The following PDE1C variants were observed in gnomAD, a reference collection of about 807,000 sequenced individuals.
PDE1C encodes the protein phosphodiesterase 1C.
PDE1C carries 62 observed loss-of-function variants against 93.1 expected under a neutral mutation model. The ratio of observed to expected loss-of-function variants is 0.67; its 90% CI spans 0.54 to 0.82. The LOEUF is 0.82. PDE1C is among the 40% of genes least tolerant of loss of function. The pLI is 0.00. For missense variants in PDE1C, 742 were observed against 884.6 expected, an observed-to-expected ratio of 0.84 and a Z score of 2.04; for synonymous variants, 325 against 310.1, an observed-to-expected ratio of 1.05 and a Z score of -0.50.
rs562174717 is a variant in PDE1C, at chr7:32,358,729, G to T, written c.310+69093C>A. On this transcript the variant is annotated intron_variant, in intron 1 of 1. Coordinates refer to the PDE1C transcript ENST00000672256. ...ACTTACTATTGTTCCCATTTTACAGGTGAGGAAATTGAGACACAGGAAAGG... is the reference window on the plus strand; with the variant it reads ...ACTTACTATTGTTCCCATTTTACAGTTGAGGAAATTGAGACACAGGAAAGG... Among the ~76,000 whole-genome samples the T allele has an allele frequency of 6.6e-5, 10 of 152,260 alleles. 1 individual carries two copies. The South Asian group carries it at 2.1e-3, about 32-fold the overall frequency.
chr7:32,344,101 T>C (rs1410010230), intron 1 of PDE1C, among the ~76,000 whole-genome samples: 1 of 152,240 alleles, frequency 6.6e-6, no homozygotes, highest in African/African-American at 2.4e-5. Context: ...AGAGACAGGA[T>C]CTTGCTCTGT....
chr7:31,738,146 G>A, the PDE1C span, among the ~76,000 whole-genome samples: 4 of 152,294 alleles, frequency 2.6e-5, no homozygotes, highest in South Asian at 4.1e-4. Flanking sequence ...GCCAGTGCGA[G>A]ACCCAGGAAG....
intron 16 of PDE1C, among the ~76,000 whole-genome samples, chr7:31,807,448 A>C (rs1209601119): frequency 6.6e-6 from 1 of 151,162 alleles, no homozygotes; most frequent in Non-Finnish European, 1.5e-5. Context: ...ATACTTGGGT[A>C]TGATTCAGTT....
At chr7:31,684,024 G>T in the PDE1C span, among the ~76,000 whole-genome samples, 6 of 152,118 alleles carry the variant, frequency 3.9e-5, no homozygotes, top group African/African-American at 1.4e-4. Context: ...GTAGGCTGAG[G>T]GTCTATGACT....
intron 8 of PDE1C, 94 bp downstream of exon 8, chr7:31,850,547 C>T: frequency 1.2e-6 from 1 of 818,920 alleles, no homozygotes; most frequent in East Asian, 2.5e-5. Flanking sequence ...AATAGGAAAC[C>T]TATGCAAAAG....
At chr7:31,710,136 G>A in the PDE1C span, among the ~76,000 whole-genome samples, 1 of 152,190 alleles carries the variant, frequency 6.6e-6, no homozygotes, top group East Asian at 1.9e-4. Context: ...GCTACAGAGT[G>A]AGTCTCTATC....
chr7:31,972,874 C>G (rs925167922), intron 2 of PDE1C, among the ~76,000 whole-genome samples: 2 of 152,138 alleles, frequency 1.3e-5, no homozygotes, highest in African/African-American at 4.8e-5. Flanking sequence ...CCCCCATGAG[C>G]CTGGCATCTT....
chr7:31,665,728 T>G, the PDE1C span, among the ~76,000 whole-genome samples: 2 of 152,284 alleles, frequency 1.3e-5, no homozygotes, highest in South Asian at 4.2e-4. Flanking sequence ...TTTTGGCGAA[T>G]AGCTCAGATA....
chr7:32,400,129 T>C (rs1778763564), intron 1 of PDE1C, among the ~76,000 whole-genome samples: 1 of 152,192 alleles, frequency 6.6e-6, no homozygotes, highest in South Asian at 2.1e-4. Context: ...GTTCACTGTG[T>C]ATATGTCCCT....
chr7:32,083,400 G>A lies in PDE1C; in HGVS notation c.308+86385C>T, dbSNP rs536171376. 4.2e-3 allele frequency among the ~76,000 whole-genome samples: 635 copies of A among 152,246 alleles called. 7 individuals carry two copies. Among genetic ancestry groups the A allele is most frequent in the African/African-American group, 0.015 (610 of 41,534 alleles). On this transcript the variant is annotated intron_variant, in intron 3 of 18. Transcript: ENST00000396193. ...TTGGTGTACCTGAAAGTGACAGGGAGAATGGAACCAAGTTGGAAAACACTC... is the reference window on the plus strand; with the variant it reads ...TTGGTGTACCTGAAAGTGACAGGGAAAATGGAACCAAGTTGGAAAACACTC...
intron 3 of PDE1C, among the ~76,000 whole-genome samples, chr7:32,169,314 G>A (rs1484277285): frequency 6.6e-6 from 1 of 152,134 alleles, no homozygotes; most frequent in African/African-American, 2.4e-5. Flanking sequence ...AGCCACCTGG[G>A]AAACAACATG....
At chr7:31,705,169 C>G in the PDE1C span, among the ~76,000 whole-genome samples, 2 of 152,202 alleles carry the variant, frequency 1.3e-5, 1 homozygote, top group Non-Finnish European at 2.9e-5. Flanking sequence ...GATGATTTAA[C>G]AGGCTTTTCT....
At chr7:32,239,240 A>T (rs12701199) in intron 1 of PDE1C, among the ~76,000 whole-genome samples, 16,033 of 152,022 alleles carry the variant, frequency 0.11, 910 homozygotes, top group East Asian at 0.13. Flanking sequence ...CTAGAAAAAA[A>T]ATATATATAG....
At chr7:31,628,070 C>T in the PDE1C span, among the ~76,000 whole-genome samples, 79,512 of 152,046 alleles carry the variant, frequency 0.52, 21,345 homozygotes, top group East Asian at 0.83. Flanking sequence ...CAGAGGGAGC[C>T]GACTACTGGA....
At chr7:31,754,858 T>C (rs556794930) in intron 17 of PDE1C, among the ~76,000 whole-genome samples, 63 of 152,334 alleles carry the variant, frequency 4.1e-4, no homozygotes, top group African/African-American at 1.5e-3. Flanking sequence ...TACAACTTTA[T>C]AGCACATAGA....
intron 1 of PDE1C, among the ~76,000 whole-genome samples, chr7:32,412,404 G>A (rs9769847): frequency 0.15 from 21,886 of 150,358 alleles, 3,112 homozygotes; most frequent in African/African-American, 0.37. Flanking sequence ...TGCAGTAAGC[G>A]GAGATCACAC....
intron 1 of PDE1C, among the ~76,000 whole-genome samples, chr7:32,312,820 A>T (rs77019707): frequency 0.1 from 15,223 of 152,222 alleles, 817 homozygotes; most frequent in African/African-American, 0.12. Flanking sequence ...AACCTAGGCA[A>T]TACCATTCAG....
At chr7:32,281,660 A>G (rs988079396) in intron 1 of PDE1C, among the ~76,000 whole-genome samples, 2 of 152,240 alleles carry the variant, frequency 1.3e-5, no homozygotes, top group African/African-American at 4.8e-5. Context: ...TATAAAAGAA[A>G]TAAGTTGCAC....
intron 3 of PDE1C, among the ~76,000 whole-genome samples, chr7:32,169,397 G>A (rs1488873008): frequency 6.6e-6 from 1 of 152,160 alleles, no homozygotes; most frequent in African/African-American, 2.4e-5. Flanking sequence ...CCCCCAGCAA[G>A]AGACTCTAAA....
Sources: gnomAD v4.1 joint callset for allele counts (sites outside exome capture counted in the v4.1 genomes callset) on GRCh38, gnomAD v4.1.1 for gene constraint, MANE v1.5 for transcripts, NCBI Gene and HGNC (gene_info 2026-07-23, HGNC 2026-07-21) for gene names.